KIF14: variants seen among roughly 807,000 people sequenced by gnomAD.
KIF14 encodes the protein kinesin-like protein KIF14.
KIF14 carries 98 observed loss-of-function variants against 176.2 expected under a neutral mutation model. The ratio of observed to expected loss-of-function variants is 0.56; its 90% CI spans 0.47 to 0.66. The LOEUF (loss-of-function observed/expected upper bound fraction) is 0.66, where lower values mean the gene tolerates loss of function less well. Among genes scored for constraint, KIF14 ranks in the 30% least tolerant of loss-of-function variants. The pLI is 0.00. For missense variants in KIF14, 1,751 were observed against 1,920.4 expected (o/e 0.91, Z 1.65); for synonymous variants, 566 against 632.2 (o/e 0.90, Z 1.57).
chr1:200,567,663 G>A (rs559968766), intron 23 of KIF14, among the ~76,000 whole-genome samples: 2 of 152,132 alleles, frequency 1.3e-5, no homozygotes, highest in Admixed American at 6.5e-5. Context: ...AGAGCCTCTG[G>A]AAATAACTTT....
intron 27 of KIF14, among the ~76,000 whole-genome samples, chr1:200,557,277 C>T (rs1656885682): frequency 6.6e-6 from 1 of 152,184 alleles, no homozygotes; most frequent in Non-Finnish European, 1.5e-5. Flanking sequence ...GCTGGGATGA[C>T]AGGCATGAGC....
intron 14 of KIF14, among the ~76,000 whole-genome samples, chr1:200,594,521 C>A (rs1659232280): frequency 6.6e-6 from 1 of 151,884 alleles, no homozygotes; most frequent in South Asian, 2.1e-4. Context: ...AATATTTCTC[C>A]CCTTTTGAAA....
At chr1:200,556,672 T>C (rs1276466648) in intron 27 of KIF14, among the ~76,000 whole-genome samples, 1 of 152,210 alleles carries the variant, frequency 6.6e-6, no homozygotes, top group African/African-American at 2.4e-5. Flanking sequence ...CCACATATTA[T>C]TTCATCTATA....
In KIF14 at chr1:200,553,486, T is replaced by C. The variant is rs1656660184; in HGVS notation, c.4849A>G (p.Lys1617Glu). 6.2e-7 allele frequency: 1 copy of C among 1,614,110 alleles called. No individual in the cohort carries two copies. Among genetic ancestry groups the C allele is most frequent in the African/African-American group, 1.3e-5 (1 of 75,036 alleles). Residue 1617 changes from lysine to glutamate, a missense_variant, in exon 30 of 30, where the codon AAG becomes GAG. Physicochemically the swap from Lys to Glu is moderately conservative, Grantham distance 56. Transcript: ENST00000367350. ...ACACGCTTTGGTACACCTTTATTCT[T>C]ACTGCCGTCAATCCCGCTTGATTTA... is the stretch of plus-strand genomic sequence containing the variant. ...QSKSSGIDGS[K>E]NKGVPKRVYE... is the part of the protein sequence containing the mutation.
Position 200,552,329 on chromosome 1 carries a change from CATAA to C in KIF14, c.*1055_*1058del, listed in dbSNP as rs1656577164. On this transcript the variant is annotated 3_prime_UTR_variant, in exon 30 of 30. Coordinates refer to ENST00000367350, the MANE Select transcript of KIF14 (RefSeq NM_014875.3). ...TAGAATATTATCTTTATTACTTGAT[CATAA>C]ATAAAGGTTTTTTTTTAAAGCTGTG... is the stretch of plus-strand genomic sequence containing the variant. The C allele has an allele frequency of 6.6e-6, 1 of 151,860 alleles. No individual in the cohort carries two copies. The highest frequency in any genetic ancestry group is 2.4e-5 in the African/African-American group (1 of 41,322). The allele number at this position is 151,860 out of a possible 1,614,324, so 9.4% of individuals were successfully genotyped here.
At chr1:200,574,615 G>A (rs1657994007) in intron 22 of KIF14, among the ~76,000 whole-genome samples, 1 of 152,174 alleles carries the variant, frequency 6.6e-6, no homozygotes, top group South Asian at 2.1e-4. Context: ...GCAGACAGTA[G>A]TCATCAAAGA....
rs1218753607 is a variant in KIF14, at chr1:200,600,402, T to G, written c.2254A>C (p.Arg752=). The change falls in exon 12 of 30, where the codon AGA becomes CGA. Residue 752 remains arginine (R), a synonymous_variant. Coordinates refer to ENST00000367350, the MANE Select transcript of KIF14 (RefSeq NM_014875.3). ...CTCTCCTGTTGATGCAGTTTCATTC[T>G]TAAGGATGTTATTTCTTGCCGACAG... The part of the protein sequence containing the change: ...RLCRQEITSL[R]MKLHQQERDM... 1 of 1,613,954 alleles carries G rather than the reference T, an allele frequency of 6.2e-7. No homozygotes were observed. Among genetic ancestry groups the G allele is most frequent in the East Asian group, 2.2e-5 (1 of 44,866 alleles).
At chr1:200,574,737 AG>A (rs1558057452) in intron 22 of KIF14, among the ~76,000 whole-genome samples, 2 of 152,186 alleles carry the variant, frequency 1.3e-5, no homozygotes, top group African/African-American at 2.4e-5. Flanking sequence ...AAGCAGAACT[AG>A]GTTTCCCTTG....
rs1314568262 is a variant in KIF14 at position 200,553,529 on chromosome 1, T to A, written c.4806A>T (p.Lys1602Asn). Reference sequence around the variant, plus strand: ...TTGATTTAGATTGTTGGTGTTCTTCTTTGGTATTTTGATTATAAGTTTCCC... The same window carrying A: ...TTGATTTAGATTGTTGGTGTTCTTCATTGGTATTTTGATTATAAGTTTCCC... ...KPWETYNQNT[K>N]EEHQQSKSSG... is the part of the protein sequence containing the mutation. Residue 1602 changes from lysine to asparagine, a missense_variant, in exon 30 of 30, where the codon AAA becomes AAT. Transcript: ENST00000367350. The A allele has an allele frequency of 4.3e-6, 7 of 1,613,960 alleles. No homozygotes were observed. Among genetic ancestry groups the A allele is most frequent in the Non-Finnish European group, 5.9e-6 (7 of 1,180,026 alleles).
chr1:200,605,739 G>A lies in KIF14; in HGVS notation c.1638+125C>T, dbSNP rs1456046291. ...ATTTTGATTAAAACTTAACAAAATCGGTTTGTGATAAATTAAGGAAACTAA... is the reference window on the plus strand; with the variant it reads ...ATTTTGATTAAAACTTAACAAAATCAGTTTGTGATAAATTAAGGAAACTAA... On this transcript the variant is annotated intron_variant, in intron 7 of 29. Coordinates refer to ENST00000367350, the MANE Select transcript of KIF14 (RefSeq NM_014875.3). 5.9e-5 allele frequency: 36 copies of A among 606,522 alleles called. No individual in the cohort carries two copies. The East Asian group carries it at 9.8e-4, about 16-fold the overall frequency. The allele number at this position is 606,522 out of a possible 1,614,324, so 37.6% of individuals were successfully genotyped here.
At chr1:200,614,790 C>CAAAAAAAAAAAAAA (rs67447333) in intron 3 of KIF14, among the ~76,000 whole-genome samples, 1 of 74,862 alleles carries the variant, frequency 1.3e-5, no homozygotes, top group African/African-American at 5.6e-5. Flanking sequence ...AACCTTGCTA[C>CAAAAAAAAAAAAAA]AAAAAAAAAA....
intron 18 of KIF14, 67 bp from the exon 19 acceptor site, chr1:200,586,294 A>G (rs1658734292): frequency 1.3e-5 from 17 of 1,314,016 alleles, no homozygotes; most frequent in Non-Finnish European, 1.5e-5. Context: ...ATAACACCAC[A>G]TTGAGATGAT....
intron 4 of KIF14, among the ~76,000 whole-genome samples, chr1:200,613,474 T>A (rs933612741): frequency 2.6e-5 from 4 of 152,222 alleles, no homozygotes; most frequent in Non-Finnish European, 5.9e-5. Context: ...TGTTTAGCAT[T>A]TAATTGATTG....
At chr1:200,589,671 CTTTTTTTTTTTTT>C (rs1204882989) in intron 17 of KIF14, among the ~76,000 whole-genome samples, 3 of 76,560 alleles carry the variant, frequency 3.9e-5, no homozygotes, top group East Asian at 4.2e-4. Flanking sequence ...CAACTTTTTT[CTTTTTTTTTTTTT>C]TTTTTTTTTT....
chr1:200,579,923 T>C (rs1305043126), intron 21 of KIF14, among the ~76,000 whole-genome samples: 1 of 152,088 alleles, frequency 6.6e-6, no homozygotes, highest in East Asian at 1.9e-4. Flanking sequence ...ATGATTTATG[T>C]CTATCAAATT....
intron 14 of KIF14, among the ~76,000 whole-genome samples, chr1:200,596,001 T>C (rs1659317567): frequency 7.0e-6 from 1 of 143,782 alleles, no homozygotes; most frequent in Non-Finnish European, 1.5e-5. Flanking sequence ...ACACCTGTAA[T>C]CCCAGCACTT....
At chr1:200,599,336 G>C (rs1306724259) in intron 13 of KIF14, among the ~76,000 whole-genome samples, 1 of 152,034 alleles carries the variant, frequency 6.6e-6, no homozygotes, top group Non-Finnish European at 1.5e-5. Flanking sequence ...ACTGATCTAC[G>C]TACCCTTTCT....
chr1:200,552,249 C>G lies in KIF14; in HGVS notation c.*1139G>C, dbSNP rs75074050. 2.6e-5 allele frequency: 4 copies of G among 151,790 alleles called. No individual in the cohort carries two copies. Among genetic ancestry groups the G allele is most frequent in the Admixed American group, 2.6e-4 (4 of 15,212 alleles). The allele number at this position is 151,790 out of a possible 1,614,324, so 9.4% of individuals were successfully genotyped here. ...TTACAAAGTATCTCTTCAAATTATA[C>G]ATACTCTTGAGGTCAAAAACGTCAA... On this transcript the variant is annotated 3_prime_UTR_variant, in exon 30 of 30. Coordinates refer to ENST00000367350, the MANE Select transcript of KIF14 (RefSeq NM_014875.3).
rs773202207 is a variant in KIF14, at chr1:200,605,267, C to A, written c.1746+16G>T. Reference sequence around the variant, plus strand: ...GGTGAAAACTGAAAGAGATCGGGAACTTTTAAAAAAAATACCTTGGTCTGG... The same window carrying A: ...GGTGAAAACTGAAAGAGATCGGGAAATTTTAAAAAAAATACCTTGGTCTGG... On this transcript the variant is annotated intron_variant, in intron 8 of 29. Coordinates refer to ENST00000367350, the MANE Select transcript of KIF14 (RefSeq NM_014875.3). 5.0e-6 allele frequency: 8 copies of A among 1,597,006 alleles called. No individual in the cohort carries two copies. Among genetic ancestry groups the A allele is most frequent in the Non-Finnish European group, 6.0e-6 (7 of 1,167,694 alleles).
Sources: gnomAD v4.1 joint callset for allele counts (sites outside exome capture counted in the v4.1 genomes callset) on GRCh38, gnomAD v4.1.1 for gene constraint, MANE v1.5 for transcripts, NCBI Gene and HGNC (gene_info 2026-07-23, HGNC 2026-07-21) for gene names.